The following ZBTB46 variants were observed in gnomAD, a reference collection of about 807,000 sequenced individuals.
ZBTB46 encodes the protein zinc finger and BTB domain containing 46.
ZBTB46 carries 8 observed loss-of-function variants against 44.1 expected under a neutral mutation model. The ratio of observed to expected loss-of-function variants is 0.18; its 90% CI spans 0.11 to 0.33. ZBTB46 has a LOEUF of 0.33. ZBTB46 is among the 10% of genes least tolerant of loss of function. ZBTB46 has a pLI of 1.00. For missense variants in ZBTB46, 651 were observed against 847.7 expected, an observed-to-expected ratio of 0.77 and a Z score of 2.88; for synonymous variants, 409 against 382.3, an observed-to-expected ratio of 1.07 and a Z score of -0.81.
rs1043337120 is a variant in ZBTB46, at chr20:63,767,224, G to A, written c.1222+8454C>T. On this transcript the variant is annotated intron_variant, in intron 3 of 4. Transcript: ENST00000245663. The surrounding 1 kb of genome is among the most constrained non-coding windows in gnomAD (Gnocchi z 5.0). ...GATCTCCCTAGAAAGTTGCTGGGTC[G>A]GAGCCACGTGGCTCCACTTCCCACG... Among the ~76,000 whole-genome samples the A allele has an allele frequency of 2.0e-5, 3 of 152,076 alleles. No homozygotes were observed. The highest frequency in any genetic ancestry group is 2.4e-5 in the African/African-American group (1 of 41,416).
chr20:63,822,513 A>G lies in ZBTB46; in HGVS notation c.-34+8584T>C, dbSNP rs185918265. On this transcript the variant is annotated intron_variant, in intron 1 of 4. Transcript: ENST00000245663. ...AGTACAATGGGTTCCGTGATTGGCC[A>G]AGGCTGGGCTCAGTCCTACACCAGA... 3.9e-3 allele frequency among the ~76,000 whole-genome samples: 589 copies of G among 152,248 alleles called. 6 individuals are homozygous for G. Among genetic ancestry groups the G allele is most frequent in the African/African-American group, 0.014 (563 of 41,548 alleles).
chr20:63,802,672 C>T, intron 1 of ZBTB46, among the ~76,000 whole-genome samples: 1 of 147,594 alleles, frequency 6.8e-6, no homozygotes, highest in East Asian at 2.0e-4. Context: ...ACCCCCAGCA[C>T]CCTCCCAGGA....
chr20:63,821,558 G>T (rs944333948), intron 1 of ZBTB46, among the ~76,000 whole-genome samples: 1 of 151,712 alleles, frequency 6.6e-6, no homozygotes, highest in African/African-American at 2.4e-5. Flanking sequence ...TCCTGCCTCA[G>T]CCTCCCAAGT....
rs77269470 is a variant in ZBTB46 at position 63,767,756 on chromosome 20, C to A, written c.1222+7922G>T. On this transcript the variant is annotated intron_variant, in intron 3 of 4. Coordinates refer to ENST00000245663, the MANE Select transcript of ZBTB46 (RefSeq NM_001369741.1). The surrounding 1 kb of genome is among the most constrained non-coding windows in gnomAD (Gnocchi z 5.0). ...TGGCCTCAGGGTAAAGCTGTCAGCG[C>A]CCAAGGAGCTCCAGGCGAGGCCAAG... 1 of 451,316 alleles carries A rather than the reference C, an allele frequency of 2.2e-6. No homozygotes were observed. Among genetic ancestry groups the A allele is most frequent in the African/African-American group, 2.1e-5 (1 of 46,952 alleles). The allele number at this position is 451,316 out of a possible 1,614,324, so 28.0% of individuals were successfully genotyped here.
chr20:63,813,817 G>A (rs1434770676), intron 1 of ZBTB46, among the ~76,000 whole-genome samples: 8 of 152,224 alleles, frequency 5.3e-5, no homozygotes, highest in Admixed American at 1.3e-4. Flanking sequence ...AGTCAAGAAC[G>A]CTGAGCCCAG....
chr20:63,773,435 G>C (rs1451589514), intron 3 of ZBTB46, among the ~76,000 whole-genome samples: 1 of 151,994 alleles, frequency 6.6e-6, no homozygotes, highest in African/African-American at 2.4e-5. Flanking sequence ...CGTTGCCCAG[G>C]CTCCCAAAGT....
chr20:63,757,718 T>C (rs367854511), intron 3 of ZBTB46, among the ~76,000 whole-genome samples: 19 of 152,298 alleles, frequency 1.2e-4, no homozygotes, highest in African/African-American at 4.6e-4. Context: ...GGGGTCTCCA[T>C]GACCCTGCAG....
Position 63,767,764 on chromosome 20 carries a change from G to T in ZBTB46, c.1222+7914C>A. 3 of 510,806 alleles carry T rather than the reference G, an allele frequency of 5.9e-6. No individual in the cohort carries two copies. Among genetic ancestry groups the T allele is most frequent in the Non-Finnish European group, 7.6e-6 (3 of 395,998 alleles). The allele number at this position is 510,806 out of a possible 1,614,324, so 31.6% of individuals were successfully genotyped here. The stretch of plus-strand genomic sequence containing the variant: ...GGGTAAAGCTGTCAGCGCCCAAGGA[G>T]CTCCAGGCGAGGCCAAGCCGTCCTG... On this transcript the variant is annotated intron_variant, in intron 3 of 4. Coordinates refer to ENST00000245663, the MANE Select transcript of ZBTB46 (RefSeq NM_001369741.1). This position sits in a 1 kb window ranked among gnomAD's most constrained non-coding sequence, Gnocchi z 5.0.
chr20:63,756,137 G>A (rs1031833934), intron 3 of ZBTB46, among the ~76,000 whole-genome samples: 2 of 152,166 alleles, frequency 1.3e-5, no homozygotes, highest in East Asian at 1.9e-4. Context: ...AAGCCAAGTC[G>A]GCTGCATGGC....
Position 63,744,121 on chromosome 20 carries a change from A to C in ZBTB46, c.*2809T>G, listed in dbSNP as rs1032050190. ...AAACACAATATAAGATCTAAAAAAAACCACCACCATTAAGTATGGCTTTCT... is the reference window on the plus strand; with the variant it reads ...AAACACAATATAAGATCTAAAAAAACCCACCACCATTAAGTATGGCTTTCT... On this transcript the variant is annotated 3_prime_UTR_variant, in exon 5 of 5. Coordinates refer to ENST00000245663, the MANE Select transcript of ZBTB46 (RefSeq NM_001369741.1). 26 of 152,396 alleles carry C rather than the reference A, an allele frequency of 1.7e-4. 1 individual carries two copies. Among genetic ancestry groups the C allele is most frequent in the African/African-American group, 3.8e-4 (16 of 41,564 alleles). 9.4% of individuals were successfully genotyped at this position (152,396 alleles called of 1,614,324 possible). A position where few individuals can be genotyped will look rare whatever the true frequency, so the allele number is the denominator to read the frequency against.
intron 3 of ZBTB46, among the ~76,000 whole-genome samples, chr20:63,772,644 G>A (rs945993391): frequency 6.6e-6 from 1 of 152,082 alleles, no homozygotes; most frequent in Non-Finnish European, 1.5e-5. Context: ...GCTGGAGCCC[G>A]GGAGGCAGAG....
At chr20:63,804,281 G>A (rs1260805964) in intron 1 of ZBTB46, among the ~76,000 whole-genome samples, 2 of 152,170 alleles carry the variant, frequency 1.3e-5, no homozygotes, top group Non-Finnish European at 2.9e-5. Flanking sequence ...CCTCCAGATG[G>A]GCACAAGGTG....
chr20:63,799,402 A>G (rs575281363), intron 1 of ZBTB46, among the ~76,000 whole-genome samples: 4 of 150,778 alleles, frequency 2.7e-5, no homozygotes, highest in African/African-American at 9.8e-5. Context: ...GCTAGAGTGC[A>G]GTGGTGCAAT....
At chr20:63,814,592 C>T (rs1216720319) in intron 1 of ZBTB46, among the ~76,000 whole-genome samples, 2 of 152,132 alleles carry the variant, frequency 1.3e-5, no homozygotes, top group Non-Finnish European at 2.9e-5. Flanking sequence ...CCTCCCACCC[C>T]CAGGCAAGGG....
At chr20:63,766,776 G>A (rs2092324073) in intron 3 of ZBTB46, among the ~76,000 whole-genome samples, 1 of 152,180 alleles carries the variant, frequency 6.6e-6, no homozygotes. Flanking sequence ...AAGATTTGAG[G>A]AACCAGGGGA....
At chr20:63,774,860 C>T (rs2092410418) in intron 3 of ZBTB46, among the ~76,000 whole-genome samples, 1 of 151,868 alleles carries the variant, frequency 6.6e-6, no homozygotes, top group Non-Finnish European at 1.5e-5. Flanking sequence ...CCCGCCACCA[C>T]GCCCGGCTAA....
At position 63,745,041 on chromosome 20, in the gene ZBTB46, A is replaced by G. The variant is rs1273333307; in HGVS notation, c.*1889T>C. ...TACAAAGTTCTGAGAATTCTCAAAG[A>G]GGCCGGGGTGGGGCTGGCCTGGGGT... On this transcript the variant is annotated 3_prime_UTR_variant, in exon 5 of 5. Coordinates refer to ENST00000245663, the MANE Select transcript of ZBTB46 (RefSeq NM_001369741.1). 1 of 152,252 alleles carries G rather than the reference A, an allele frequency of 6.6e-6. No homozygotes were observed. Among genetic ancestry groups the G allele is most frequent in the Non-Finnish European group, 1.5e-5 (1 of 68,036 alleles). The allele number at this position is 152,252 out of a possible 1,614,324, so 9.4% of individuals were successfully genotyped here.
chr20:63,775,876 G>A lies in ZBTB46; in HGVS notation c.1024C>T (p.Leu342=). The change falls in exon 3 of 5, where the codon CTG becomes TTG. Residue 342 remains leucine (L), a synonymous_variant. Transcript: ENST00000245663. ...CCCAGATAGCTGGCTTCTCCTCCCA[G>A]GAGACCCTCCTCCACCTGTGCATAG... ...ELYAQVEEGL[L]GGEASYLGPP... 6.2e-7 allele frequency: 1 copy of A among 1,612,760 alleles called. No individual in the cohort carries two copies. The highest frequency in any genetic ancestry group is 1.1e-5 in the South Asian group (1 of 91,048).
chr20:63,823,455 G>A (rs1210709544), intron 1 of ZBTB46, among the ~76,000 whole-genome samples: 4 of 150,548 alleles, frequency 2.7e-5, no homozygotes, highest in Non-Finnish European at 4.4e-5. Flanking sequence ...CCAAGATCAC[G>A]CCACTGCATT....
Sources: gnomAD v4.1 joint callset for allele counts (sites outside exome capture counted in the v4.1 genomes callset) on GRCh38, gnomAD v4.1.1 for gene constraint, Gnocchi (gnomAD v3.1) non-coding constraint, MANE v1.5 for transcripts, NCBI Gene and HGNC (gene_info 2026-07-23, HGNC 2026-07-21) for gene names.